NLK: variants seen among roughly 807,000 people sequenced by gnomAD.
The protein encoded by NLK is nemo like kinase.
NLK carries 11 observed loss-of-function variants against 59.0 expected under a neutral mutation model. The observed-to-expected ratio is 0.19, with a 90% CI of 0.12 to 0.31. The LOEUF is 0.31. NLK is among the 10% of genes least tolerant of loss of function. The probability of loss-of-function intolerance (pLI) is 1.00; values close to 1 mark genes in which losing one functional copy is unlikely to be tolerated. For missense variants in NLK, 410 were observed against 661.1 expected, an observed-to-expected ratio of 0.62 and a Z score of 4.16; for synonymous variants, 235 against 235.9, an observed-to-expected ratio of 1.00 and a Z score of 0.03.
At chr17:28,067,343 T>G (rs1597661760) in intron 1 of NLK, among the ~76,000 whole-genome samples, 2 of 152,152 alleles carry the variant, frequency 1.3e-5, no homozygotes, top group East Asian at 3.9e-4. Context: ...ATTCATTTAT[T>G]GAAGTTTTAA....
chr17:28,186,131 C>T lies in NLK; in HGVS notation c.1236+866C>T, dbSNP rs536246914. On this transcript the variant is annotated intron_variant, in intron 8 of 10. Transcript: ENST00000407008. ...GCCAAGAATACAAAGTCACCAAATA[C>T]GAAAAATACCAGATATTTAAAAGAT... Among the ~76,000 whole-genome samples the T allele has an allele frequency of 2.4e-4, 37 of 152,190 alleles. 1 individual carries two copies. The highest frequency in any genetic ancestry group is 5.2e-4 in the Admixed American group (8 of 15,276).
At chr17:28,136,241 C>T (rs866159160) in intron 3 of NLK, among the ~76,000 whole-genome samples, 8 of 152,162 alleles carry the variant, frequency 5.3e-5, no homozygotes, top group African/African-American at 1.9e-4. Flanking sequence ...CAGTAATTAG[C>T]TGACTACAGA....
intron 1 of NLK, among the ~76,000 whole-genome samples, chr17:28,055,044 G>A (rs1474676960): frequency 1.3e-5 from 2 of 151,574 alleles, no homozygotes; most frequent in Non-Finnish European, 2.9e-5. Context: ...ATACAGCGGA[G>A]ATAGTAATAG....
chr17:28,090,582 C>T (rs1052896855), intron 1 of NLK, among the ~76,000 whole-genome samples: 6 of 151,756 alleles, frequency 4.0e-5, no homozygotes, highest in South Asian at 2.1e-4. Context: ...TTTTTAGCCA[C>T]GTGGTAGCTC....
chr17:28,044,757 GAC>G (rs1908996559), intron 1 of NLK, among the ~76,000 whole-genome samples: 1 of 152,192 alleles, frequency 6.6e-6, no homozygotes, highest in Admixed American at 6.5e-5. Context: ...GGATGGAACA[GAC>G]AGGAAAACGG....
chr17:28,056,668 G>A (rs960944564), intron 1 of NLK, among the ~76,000 whole-genome samples: 2 of 152,154 alleles, frequency 1.3e-5, no homozygotes, highest in Admixed American at 1.3e-4. Flanking sequence ...GAACAACTCA[G>A]TCTTTTCATG....
chr17:28,090,831 A>G (rs1487467514), intron 1 of NLK, among the ~76,000 whole-genome samples: 1 of 152,182 alleles, frequency 6.6e-6, no homozygotes, highest in Non-Finnish European at 1.5e-5. Context: ...GAAATATGCT[A>G]TAATCCTTAT....
At chr17:28,150,528 A>C (rs1907435912) in intron 3 of NLK, among the ~76,000 whole-genome samples, 1 of 152,204 alleles carries the variant, frequency 6.6e-6, no homozygotes, top group African/African-American at 2.4e-5. Flanking sequence ...TTCTCCAGTG[A>C]CTAACATGAG....
At chr17:28,187,210 C>T (rs920651972) in intron 8 of NLK, among the ~76,000 whole-genome samples, 3 of 152,084 alleles carry the variant, frequency 2.0e-5, no homozygotes, top group African/African-American at 7.2e-5. Context: ...ATCCAAGAAC[C>T]ATGTAACTCA....
intron 3 of NLK, among the ~76,000 whole-genome samples, chr17:28,147,291 G>A (rs575539798): frequency 9.9e-5 from 15 of 152,158 alleles, no homozygotes; most frequent in Non-Finnish European, 1.8e-4. Context: ...AAACAGAAAA[G>A]TACTCAATCA....
intron 5 of NLK, among the ~76,000 whole-genome samples, chr17:28,167,460 T>TA (rs1908284607): frequency 6.6e-6 from 1 of 151,802 alleles, no homozygotes; most frequent in South Asian, 2.1e-4. Context: ...AGCCTGGTCT[T>TA]AAACTCCTGA....
chr17:28,179,396 T>TTTTTA (rs1289590117), intron 7 of NLK, among the ~76,000 whole-genome samples: 50 of 151,808 alleles, frequency 3.3e-4, no homozygotes, highest in Admixed American at 2.8e-3. Context: ...TGCCTAGCCT[T>TTTTTA]TTTTATTTTA....
At chr17:28,161,796 C>T (rs897864513) in intron 4 of NLK, among the ~76,000 whole-genome samples, 8 of 152,084 alleles carry the variant, frequency 5.3e-5, no homozygotes, top group Non-Finnish European at 1.2e-4. Context: ...CATTAAAGAG[C>T]ACAGACTTGA....
intron 3 of NLK, among the ~76,000 whole-genome samples, chr17:28,154,289 A>G (rs751150250): frequency 6.6e-6 from 1 of 152,204 alleles, no homozygotes; most frequent in Non-Finnish European, 1.5e-5. Context: ...AAGAAGTAGT[A>G]CGATGCTCAG....
intron 1 of NLK, among the ~76,000 whole-genome samples, chr17:28,058,222 A>G (rs982533328): frequency 3.9e-5 from 6 of 152,224 alleles, no homozygotes; most frequent in African/African-American, 1.4e-4. Context: ...TGATATCAGT[A>G]TCTTCAAATA....
intron 1 of NLK, among the ~76,000 whole-genome samples, chr17:28,065,264 T>C (rs1490976945): frequency 1.3e-5 from 2 of 152,116 alleles, no homozygotes; most frequent in Admixed American, 1.3e-4. Context: ...AGTTTTTTTC[T>C]AGGCAGTGTA....
intron 5 of NLK, among the ~76,000 whole-genome samples, chr17:28,165,942 C>T (rs1052775152): frequency 8.5e-5 from 13 of 152,174 alleles, no homozygotes; most frequent in East Asian, 3.8e-4. Flanking sequence ...TTTGGCCGGG[C>T]GCAGTGGCTC....
At position 28,195,508 on chromosome 17, in the gene NLK, CTT is replaced by C. The variant is rs886630685; in HGVS notation, c.*875_*876del. 1 of 152,146 alleles carries C rather than the reference CTT, an allele frequency of 6.6e-6. No individual in the cohort carries two copies. The allele number at this position is 152,146 out of a possible 1,614,324, so 9.4% of individuals were successfully genotyped here. ...TTTAGGTCTGTGAAATTTTGTGAGACTTTTCCTGCACTGGACAGTAAAAAAAT... is the reference window on the plus strand; with the variant it reads ...TTTAGGTCTGTGAAATTTTGTGAGACTTCCTGCACTGGACAGTAAAAAAAT... On this transcript the variant is annotated 3_prime_UTR_variant, in exon 11 of 11. Transcript: ENST00000407008.
At chr17:28,140,305 A>G (rs1906933297) in intron 3 of NLK, among the ~76,000 whole-genome samples, 1 of 152,240 alleles carries the variant, frequency 6.6e-6, no homozygotes, top group Admixed American at 6.5e-5. Flanking sequence ...AAATCTTAAC[A>G]AGGAGTTTGT....
Sources: gnomAD v4.1 joint callset for allele counts (sites outside exome capture counted in the v4.1 genomes callset) on GRCh38, gnomAD v4.1.1 for gene constraint, MANE v1.5 for transcripts, NCBI Gene and HGNC (gene_info 2026-07-23, HGNC 2026-07-21) for gene names.